Variants in NEK7 observed in about 807,000 individuals in gnomAD.
NEK7 encodes serine/threonine-protein kinase Nek7.
NEK7 carries 18 observed loss-of-function variants against 44.6 expected under a neutral mutation model. The observed-to-expected ratio is 0.40, with a 90% CI of 0.28 to 0.60. The LOEUF is 0.60. Ranked by LOEUF, NEK7 falls within the 20% of genes least tolerant of loss-of-function variation. The probability of loss-of-function intolerance (pLI) is 0.38; values close to 1 mark genes in which losing one functional copy is unlikely to be tolerated. For synonymous variants in NEK7, 130 were observed against 121.1 expected, an observed-to-expected ratio of 1.07 and a Z score of -0.48; for missense variants, 256 against 366.5, an observed-to-expected ratio of 0.70 and a Z score of 2.46.
At chr1:198,244,741 T>C (rs1171833306) in intron 2 of NEK7, among the ~76,000 whole-genome samples, 3 of 152,196 alleles carry the variant, frequency 2.0e-5, no homozygotes, top group Non-Finnish European at 4.4e-5. Context: ...CCTTTTACAT[T>C]CATTTAGTTC....
At chr1:198,192,144 T>C (rs1317594) in intron 1 of NEK7, among the ~76,000 whole-genome samples, 22,564 of 151,900 alleles carry the variant, frequency 0.15, 1,841 homozygotes, top group East Asian at 0.22. Context: ...GGAAGTTGTT[T>C]GTTTTATCTT....
intron 7 of NEK7, among the ~76,000 whole-genome samples, chr1:198,284,578 T>C (rs1368828856): frequency 6.6e-6 from 1 of 152,140 alleles, no homozygotes; most frequent in African/African-American, 2.4e-5. Flanking sequence ...ACTTGTGAAA[T>C]TGGAACACGG....
At chr1:198,239,960 A>G (rs1666637871) in intron 2 of NEK7, among the ~76,000 whole-genome samples, 1 of 152,230 alleles carries the variant, frequency 6.6e-6, no homozygotes, top group African/African-American at 2.4e-5. Flanking sequence ...GGCAGTTGTA[A>G]CACAATGATA....
intron 1 of NEK7, among the ~76,000 whole-genome samples, chr1:198,179,387 T>G (rs1003914786): frequency 3.3e-5 from 5 of 152,088 alleles, no homozygotes; most frequent in African/African-American, 9.7e-5. Flanking sequence ...TGGGCCTTTA[T>G]GTTTGCTTTA....
chr1:198,260,106 G>A (rs12059603), intron 3 of NEK7, among the ~76,000 whole-genome samples: 78,264 of 151,940 alleles, frequency 0.52, 23,473 homozygotes, highest in East Asian at 0.9. Flanking sequence ...GAAAGGGTGG[G>A]CATTAACAGT....
chr1:198,303,550 T>G (rs1338477739), intron 9 of NEK7, among the ~76,000 whole-genome samples: 1 of 152,146 alleles, frequency 6.6e-6, no homozygotes. Context: ...GAAGTTAAAT[T>G]AAGTTTATAA....
intron 1 of NEK7, among the ~76,000 whole-genome samples, chr1:198,219,263 TTA>T (rs1248444024): frequency 6.7e-6 from 1 of 149,870 alleles, no homozygotes; most frequent in Non-Finnish European, 1.5e-5. Context: ...ATAAAAATGT[TTA>T]TAATTTTCTA....
chr1:198,218,910 A>T (rs1288505170), intron 1 of NEK7, among the ~76,000 whole-genome samples: 1 of 152,018 alleles, frequency 6.6e-6, no homozygotes, highest in Non-Finnish European at 1.5e-5. Flanking sequence ...AAAAAGCCAT[A>T]GATTCTGGCA....
chr1:198,296,099 C>G (rs935496288), intron 8 of NEK7, among the ~76,000 whole-genome samples: 2 of 152,082 alleles, frequency 1.3e-5, no homozygotes, highest in African/African-American at 4.8e-5. Context: ...CAGATGAGAG[C>G]CATTTTCAGC....
intron 2 of NEK7, among the ~76,000 whole-genome samples, chr1:198,252,408 G>C (rs977908400): frequency 2.6e-5 from 4 of 151,272 alleles, no homozygotes; most frequent in African/African-American, 9.7e-5. Flanking sequence ...GTGCAGAGCT[G>C]AGTTCAATTC....
At chr1:198,252,167 C>T (rs1353719110) in intron 2 of NEK7, among the ~76,000 whole-genome samples, 1 of 152,062 alleles carries the variant, frequency 6.6e-6, no homozygotes, top group Non-Finnish European at 1.5e-5. Context: ...TGTTCAGTTT[C>T]CACACAGTTG....
intron 1 of NEK7, among the ~76,000 whole-genome samples, chr1:198,189,588 C>G (rs1665017093): frequency 1.3e-5 from 2 of 152,080 alleles, no homozygotes; most frequent in South Asian, 4.1e-4. Context: ...TATGTCATGA[C>G]CCACTTACAG....
chr1:198,200,831 A>G lies in NEK7; in HGVS notation c.-28-31722A>G, dbSNP rs563764228. ...CTCCCAAAGTGTTGGGATTACAGGC[A>G]TGAGCCACTGTGCCAGGCCCTTTGG... On this transcript the variant is annotated intron_variant, in intron 1 of 9. Transcript: ENST00000367385. Among the ~76,000 whole-genome samples the G allele has an allele frequency of 1.3e-3, 191 of 152,258 alleles. 1 individual carries two copies. The highest frequency in any genetic ancestry group is 0.012 in the South Asian group (60 of 4,822).
At chr1:198,248,886 TTTA>T (rs1462209769) in intron 2 of NEK7, among the ~76,000 whole-genome samples, 12 of 151,184 alleles carry the variant, frequency 7.9e-5, no homozygotes, top group African/African-American at 1.7e-4. Context: ...TTTATTTTAT[TTTA>T]TTATTATTAT....
At chr1:198,211,523 G>T (rs1413402808) in intron 1 of NEK7, among the ~76,000 whole-genome samples, 2 of 152,092 alleles carry the variant, frequency 1.3e-5, no homozygotes, top group African/African-American at 4.8e-5. Flanking sequence ...ATTTTGAGGT[G>T]TTTTAATATT....
chr1:198,214,954 A>G (rs1665874135), intron 1 of NEK7, among the ~76,000 whole-genome samples: 1 of 152,220 alleles, frequency 6.6e-6, no homozygotes, highest in African/African-American at 2.4e-5. Flanking sequence ...CCTACAATGG[A>G]AACCGTATTA....
At chr1:198,215,533 G>T (rs1410877698) in intron 1 of NEK7, among the ~76,000 whole-genome samples, 1 of 145,162 alleles carries the variant, frequency 6.9e-6, no homozygotes, top group African/African-American at 2.7e-5. Flanking sequence ...TTTATGTGTG[G>T]CCCAAGACAA....
chr1:198,319,273 T>G, intron 9 of NEK7, 139 bp from the exon 10 acceptor site: 1 of 573,298 alleles, frequency 1.7e-6, no homozygotes, highest in Non-Finnish European at 3.1e-6. Context: ...GTCTTATATA[T>G]ATTTCTAGTA....
At chr1:198,181,052 C>A (rs536347888) in intron 1 of NEK7, among the ~76,000 whole-genome samples, 30 of 152,154 alleles carry the variant, frequency 2.0e-4, no homozygotes, top group African/African-American at 7.0e-4. Flanking sequence ...ACTTTAAACA[C>A]ATGATAATCA....
Sources: allele counts gnomAD v4.1 joint callset (sites outside exome capture counted in the v4.1 genomes callset), GRCh38; gene constraint gnomAD v4.1.1; transcripts MANE v1.5; gene names NCBI Gene and HGNC (gene_info 2026-07-23, HGNC 2026-07-21).